Variants in FRMD7 observed in about 807,000 individuals in gnomAD.
The protein encoded by FRMD7 is FERM domain containing 7, also known as FERM domain-containing protein 7.
Under a neutral mutation model 44.1 loss-of-function variants are expected in FRMD7, and 14 were observed. That is an observed-to-expected ratio of 0.32 (90% confidence interval 0.21 to 0.50). The LOEUF is 0.50. Among genes scored for constraint, FRMD7 ranks in the 20% least tolerant of loss-of-function variants. The pLI is 0.99. For missense variants in FRMD7, 501 were observed against 522.3 expected (o/e 0.96, Z 0.40); for synonymous variants, 212 against 187.4 (o/e 1.13, Z -1.07).
chrX:132,098,260 T>A (rs1262130287), intron 3 of FRMD7, among the ~76,000 whole-genome samples: 10 of 112,568 alleles, frequency 8.9e-5, no homozygotes, highest in Non-Finnish European at 3.7e-5. Context: ...TAGGGCATTC[T>A]GTATTTTATC....
chrX:132,104,475 G>A (rs1436877814), intron 1 of FRMD7, among the ~76,000 whole-genome samples: 1 of 111,305 alleles, frequency 9.0e-6, no homozygotes, highest in East Asian at 2.8e-4. Context: ...GTGGGATCAC[G>A]AGGTCAGGAG....
intron 4 of FRMD7, among the ~76,000 whole-genome samples, chrX:132,095,612 A>G (rs775675623): frequency 3.6e-5 from 4 of 112,421 alleles, no homozygotes; most frequent in Non-Finnish European, 7.5e-5. Context: ...AAAAGCATTC[A>G]TCATTATAAT....
chrX:132,077,642 A>G lies in FRMD7; in HGVS notation c.*230T>C. ...ACAAATACCCACCTTGCCTTGCCAC[A>G]GTGCTGGTGAGGAGAGGGCATGTTC... On this transcript the variant is annotated 3_prime_UTR_variant, in exon 12 of 12. Transcript: ENST00000298542. 2 of 431,726 alleles carry G rather than the reference A, an allele frequency of 4.6e-6. No individual in the cohort carries two copies. Among genetic ancestry groups the G allele is most frequent in the South Asian group, 3.6e-5 (1 of 27,787 alleles). 35.6% of individuals were successfully genotyped at this position (431,726 alleles called of 1,213,427 possible). A position where few individuals can be genotyped will look rare whatever the true frequency, so the allele number is the denominator to read the frequency against.
At chrX:132,081,679 C>A (rs995866643) in intron 9 of FRMD7, among the ~76,000 whole-genome samples, 1 of 112,807 alleles carries the variant, frequency 8.9e-6, no homozygotes, top group African/African-American at 3.2e-5. Flanking sequence ...TATGGGGAAG[C>A]TTTTAATCAG....
chrX:132,105,439 C>A (rs923585221), intron 1 of FRMD7, among the ~76,000 whole-genome samples: 1 of 111,709 alleles, frequency 9.0e-6, no homozygotes. Flanking sequence ...CTACCCAAAG[C>A]AATTTACAGA....
At chrX:132,111,649 C>T (rs1250101235) in intron 1 of FRMD7, among the ~76,000 whole-genome samples, 3 of 111,952 alleles carry the variant, frequency 2.7e-5, no homozygotes, top group Non-Finnish European at 5.6e-5. Flanking sequence ...TTTTACTCTT[C>T]AAATCCTGAA....
chrX:132,098,883 C>A (rs1376494016), intron 3 of FRMD7, among the ~76,000 whole-genome samples: 1 of 110,009 alleles, frequency 9.1e-6, no homozygotes, highest in East Asian at 2.9e-4. Context: ...AGTCCTGATA[C>A]AACTCCGCCT....
At chrX:132,125,261 C>T (rs1427434987) in intron 1 of FRMD7, among the ~76,000 whole-genome samples, 1 of 111,911 alleles carries the variant, frequency 8.9e-6, no homozygotes, top group Admixed American at 9.5e-5. Context: ...TTCTGGATGT[C>T]AATGAGCTTT....
At chrX:132,093,967 T>C in intron 5 of FRMD7, 75 bp downstream of exon 5, 1 of 626,651 alleles carries the variant, frequency 1.6e-6, no homozygotes, top group Non-Finnish European at 2.7e-6. Context: ...TGGGCATGTG[T>C]GGGGAGCTCA....
At chrX:132,096,665 T>C (rs186141574) in intron 4 of FRMD7, among the ~76,000 whole-genome samples, 38 of 100,735 alleles carry the variant, frequency 3.8e-4, no homozygotes, top group Non-Finnish European at 6.0e-5. Flanking sequence ...GCCAGGGAGG[T>C]TGCCACTGCA....
At chrX:132,095,058 TTTTATTTA>T (rs10554395) in intron 4 of FRMD7, among the ~76,000 whole-genome samples, 14,052 of 91,115 alleles carry the variant, frequency 0.15, 1,066 homozygotes, top group East Asian at 0.22. Flanking sequence ...GGTTCCAATA[TTTTATTTA>T]TTTATTTATT....
chrX:132,126,871 G>A (rs1194709832), intron 1 of FRMD7, among the ~76,000 whole-genome samples: 1 of 111,758 alleles, frequency 8.9e-6, no homozygotes, highest in Non-Finnish European at 1.9e-5. Flanking sequence ...CACTCACAAA[G>A]CACATGATTC....
chrX:132,123,786 A>G (rs1470623345), intron 1 of FRMD7, among the ~76,000 whole-genome samples: 1 of 112,500 alleles, frequency 8.9e-6, no homozygotes, highest in Non-Finnish European at 1.9e-5. Context: ...TGGCCAGTAC[A>G]ATCACTTAGC....
intron 1 of FRMD7, among the ~76,000 whole-genome samples, chrX:132,112,355 A>G (rs1405238858): frequency 9.0e-6 from 1 of 111,291 alleles, no homozygotes; most frequent in Non-Finnish European, 1.9e-5. Context: ...TCTGGTGGAG[A>G]GCAAGGTGCA....
At chrX:132,082,062 T>C (rs967358071) in intron 9 of FRMD7, among the ~76,000 whole-genome samples, 5 of 112,042 alleles carry the variant, frequency 4.5e-5, no homozygotes, top group African/African-American at 1.6e-4. Flanking sequence ...GGTTTGCATA[T>C]AAGTTAAATA....
chrX:132,118,809 C>G (rs1274373062), intron 1 of FRMD7, among the ~76,000 whole-genome samples: 1 of 111,059 alleles, frequency 9.0e-6, no homozygotes, highest in Admixed American at 9.6e-5. Flanking sequence ...ACTCCACAGG[C>G]CTTTTCCTGC....
At chrX:132,086,084 C>A (rs757182340) in intron 5 of FRMD7, 50 bp from the exon 6 acceptor site, 1 of 762,490 alleles carries the variant, frequency 1.3e-6, no homozygotes, top group African/African-American at 2.0e-5. Flanking sequence ...AGGAACTTAG[C>A]AATGGAGCAT....
In FRMD7 at chrX:132,080,412, A is replaced by G. The variant is rs201352102; in HGVS notation, c.906-146T>C. The G allele has an allele frequency of 1.2e-5, 6 of 493,999 alleles. No homozygotes were observed. In the East Asian group the frequency reaches 2.2e-4, roughly 18 times the overall value. The allele number at this position is 493,999 out of a possible 1,213,427, so 40.7% of individuals were successfully genotyped here. A position where few individuals can be genotyped will look rare whatever the true frequency, so the allele number is the denominator to read the frequency against. On this transcript the variant is annotated intron_variant, in intron 9 of 11. Transcript: ENST00000298542. ...TTTGACCATCACAATGATAATACCC[A>G]CTTATTCAAGGACCAGGCAGAGAAC...
chrX:132,093,696 TG>T (rs1928247628), intron 5 of FRMD7, among the ~76,000 whole-genome samples: 1 of 112,556 alleles, frequency 8.9e-6, no homozygotes, highest in East Asian at 2.8e-4. Flanking sequence ...AGAATTATCC[TG>T]GGGTAAGCAG....
Sources: gnomAD v4.1 joint callset for allele counts (sites outside exome capture counted in the v4.1 genomes callset) on GRCh38, gnomAD v4.1.1 for gene constraint, MANE v1.5 for transcripts, NCBI Gene and HGNC (gene_info 2026-07-23, HGNC 2026-07-21) for gene names.